Variants in ULK4 observed in about 807,000 individuals in gnomAD.
ULK4 encodes the protein unc-51 like kinase 4, also known as inactive serine/threonine-protein kinase ULK4.
A neutral mutation model predicts 160.6 loss-of-function variants in ULK4; 133 were observed. The ratio of observed to expected loss-of-function variants is 0.83; its 90% CI spans 0.72 to 0.96. ULK4 has a LOEUF of 0.96. ULK4 is among the 40% of genes least tolerant of loss of function. The probability of loss-of-function intolerance (pLI) is 0.00; values close to 1 mark genes in which losing one functional copy is unlikely to be tolerated. For synonymous variants in ULK4, 534 were observed against 539.8 expected (o/e 0.99, Z 0.15); for missense variants, 1,580 against 1,499.5 (o/e 1.05, Z -0.89).
At chr3:41,278,733 A>G (rs924374061) in intron 35 of ULK4, among the ~76,000 whole-genome samples, 1 of 152,204 alleles carries the variant, frequency 6.6e-6, no homozygotes, top group African/African-American at 2.4e-5. Context: ...ACTAACAAAC[A>G]GAAAAAAATA....
rs957023083 is a variant in ULK4, at chr3:41,628,564, G to A, written c.3072-12847C>T. 5.3e-5 allele frequency among the ~76,000 whole-genome samples: 8 copies of A among 152,106 alleles called. No individual in the cohort carries two copies. In the East Asian group the frequency reaches 7.7e-4, roughly 15 times the overall value. The stretch of plus-strand genomic sequence containing the variant: ...AAGTAACTACCTAGTACACAAAAAC[G>A]TATTATGGTTATGAAAGACAAGAAA... On this transcript the variant is annotated intron_variant, in intron 30 of 36. Transcript: ENST00000301831.
At chr3:41,708,244 C>T (rs1414778882) in intron 25 of ULK4, among the ~76,000 whole-genome samples, 2 of 152,022 alleles carry the variant, frequency 1.3e-5, no homozygotes, top group East Asian at 3.8e-4. Flanking sequence ...CTCCCATGTT[C>T]ACTGCAGCTT....
chr3:41,560,016 C>G (rs1323617523), intron 32 of ULK4, among the ~76,000 whole-genome samples: 2 of 152,182 alleles, frequency 1.3e-5, no homozygotes, highest in Non-Finnish European at 2.9e-5. Context: ...ACATTTAAGT[C>G]TTTAATCCAT....
intron 31 of ULK4, among the ~76,000 whole-genome samples, chr3:41,601,314 G>A (rs1364925641): frequency 1.3e-5 from 2 of 151,998 alleles, no homozygotes; most frequent in Non-Finnish European, 2.9e-5. Flanking sequence ...TTTAAGACAC[G>A]ACAATAGGGA....
chr3:41,870,488 G>A (rs1697050136), intron 17 of ULK4, among the ~76,000 whole-genome samples: 1 of 152,076 alleles, frequency 6.6e-6, no homozygotes, highest in Non-Finnish European at 1.5e-5. Flanking sequence ...TTCTGACTGT[G>A]ACGTCCATCC....
intron 32 of ULK4, among the ~76,000 whole-genome samples, chr3:41,486,358 A>G (rs1176758094): frequency 6.6e-6 from 1 of 152,190 alleles, no homozygotes; most frequent in Admixed American, 6.5e-5. Context: ...TAGAAAACCC[A>G]TCAATGAACA....
intron 34 of ULK4, among the ~76,000 whole-genome samples, chr3:41,412,333 T>C (rs2125828385): frequency 6.6e-6 from 1 of 151,720 alleles, no homozygotes; most frequent in East Asian, 1.9e-4. Flanking sequence ...AACTTGATGT[T>C]GTTCCCAATA....
At chr3:41,490,125 G>C (rs2084695637) in intron 32 of ULK4, among the ~76,000 whole-genome samples, 1 of 152,076 alleles carries the variant, frequency 6.6e-6, no homozygotes, top group Admixed American at 6.6e-5. Flanking sequence ...TTCCTTTCTT[G>C]ATCCAGTTCT....
chr3:41,522,180 G>A (rs1462321313), intron 32 of ULK4, among the ~76,000 whole-genome samples: 2 of 139,054 alleles, frequency 1.4e-5, no homozygotes, highest in African/African-American at 5.5e-5. Context: ...AGGCAGCAGT[G>A]CAGTGGCACA....
intron 32 of ULK4, among the ~76,000 whole-genome samples, chr3:41,501,592 T>C (rs1477799541): frequency 6.6e-6 from 1 of 152,222 alleles, no homozygotes; most frequent in Non-Finnish European, 1.5e-5. Flanking sequence ...CTTTGATATA[T>C]GTATATATTA....
At position 41,591,726 on chromosome 3, in the gene ULK4, A is replaced by T. The variant is rs542124495; in HGVS notation, c.3120+23943T>A. On this transcript the variant is annotated intron_variant, in intron 31 of 36. Transcript: ENST00000301831. ...TAACGTATGATCAGATTCACAACAT[A>T]TGTATAAGTAAAACGTGTTATGTGG... Among the ~76,000 whole-genome samples the T allele has an allele frequency of 3.3e-5, 5 of 152,358 alleles. No homozygotes were observed. In the South Asian group the frequency reaches 1.0e-3, roughly 32 times the overall value.
At chr3:41,938,951 T>C (rs1027542687) in intron 2 of ULK4, among the ~76,000 whole-genome samples, 3 of 152,134 alleles carry the variant, frequency 2.0e-5, no homozygotes, top group Admixed American at 1.3e-4. Flanking sequence ...AAACATAACC[T>C]AACTACTCAA....
rs551996982 is a variant in ULK4 at position 41,724,952 on chromosome 3, A to G, written c.2322-7091T>C. ...GTCCAAGTCTTGTGCTCATTTTTCT[A>G]TTGGGTTATCTGTCCTCTTTTCCTT... On this transcript the variant is annotated intron_variant, in intron 22 of 36. Coordinates refer to ENST00000301831, the MANE Select transcript of ULK4 (RefSeq NM_017886.4). Among the ~76,000 whole-genome samples, 34 of 152,146 alleles carry G rather than the reference A, an allele frequency of 2.2e-4. No homozygotes were observed. In the South Asian group the frequency reaches 7.1e-3, roughly 32 times the overall value.
intron 35 of ULK4, among the ~76,000 whole-genome samples, chr3:41,289,032 C>T (rs557210101): frequency 3.3e-5 from 5 of 152,178 alleles, no homozygotes; most frequent in African/African-American, 2.4e-5. Context: ...TCTGTCAGAG[C>T]GCCACGGGGA....
intron 15 of ULK4, 79 bp from the exon 16 acceptor site, chr3:41,895,643 G>A: frequency 1.1e-6 from 1 of 874,344 alleles, no homozygotes; most frequent in Non-Finnish European, 1.7e-6. Context: ...TGACAGCAAA[G>A]TTAACAGCTC....
At chr3:41,500,010 T>G (rs1003688929) in intron 32 of ULK4, among the ~76,000 whole-genome samples, 4 of 152,134 alleles carry the variant, frequency 2.6e-5, no homozygotes, top group Non-Finnish European at 5.9e-5. Context: ...CAGTCACTGC[T>G]CTAGTCGTAT....
chr3:41,372,207 T>C (rs771870654), intron 35 of ULK4, among the ~76,000 whole-genome samples: 1 of 152,138 alleles, frequency 6.6e-6, no homozygotes, highest in African/African-American at 2.4e-5. Context: ...TGGAACCAAG[T>C]TGGAAAACAC....
chr3:41,431,822 C>T (rs1472803052), intron 34 of ULK4, among the ~76,000 whole-genome samples: 1 of 143,650 alleles, frequency 7.0e-6, no homozygotes, highest in African/African-American at 2.6e-5. Flanking sequence ...CAGAGTCCTG[C>T]TCTGTCACCC....
At chr3:41,322,654 C>T (rs975271921) in intron 35 of ULK4, among the ~76,000 whole-genome samples, 7 of 152,096 alleles carry the variant, frequency 4.6e-5, no homozygotes, top group Non-Finnish European at 7.3e-5. Flanking sequence ...GTTTGAGAGC[C>T]GATGGAATAA....
Sources: allele counts gnomAD v4.1 joint callset (sites outside exome capture counted in the v4.1 genomes callset), GRCh38; gene constraint gnomAD v4.1.1; transcripts MANE v1.5; gene names NCBI Gene and HGNC (gene_info 2026-07-23, HGNC 2026-07-21).